DYNC1I1: variants seen among roughly 807,000 people sequenced by gnomAD.
DYNC1I1 encodes dynein cytoplasmic 1 intermediate chain 1.
A neutral mutation model predicts 86.6 loss-of-function variants in DYNC1I1; 43 were observed. That is an observed-to-expected ratio of 0.50 (90% CI 0.39 to 0.64). The LOEUF (loss-of-function observed/expected upper bound fraction) is 0.64. Ranked by LOEUF, DYNC1I1 falls within the 30% of genes least tolerant of loss-of-function variation. The probability of loss-of-function intolerance (pLI) is 0.00; values close to 1 mark genes in which losing one functional copy is unlikely to be tolerated. For missense variants in DYNC1I1, 604 were observed against 788.8 expected (o/e 0.77, Z 2.81); for synonymous variants, 262 against 283.7 (o/e 0.92, Z 0.77).
chr7:95,867,448 T>C (rs1230429009), intron 5 of DYNC1I1, among the ~76,000 whole-genome samples: 1 of 152,192 alleles, frequency 6.6e-6, no homozygotes, highest in East Asian at 1.9e-4. Flanking sequence ...TTCAGCTGTA[T>C]GTTCAAAGCA....
chr7:96,108,171 A>C (rs1805892802), intron 16 of DYNC1I1, among the ~76,000 whole-genome samples: 1 of 152,102 alleles, frequency 6.6e-6, no homozygotes, highest in African/African-American at 2.4e-5. Context: ...AATGTTGTCA[A>C]ATATCTTTTC....
At chr7:95,794,736 A>G (rs1264215025) in intron 1 of DYNC1I1, among the ~76,000 whole-genome samples, 1 of 152,230 alleles carries the variant, frequency 6.6e-6, no homozygotes, top group Non-Finnish European at 1.5e-5. Context: ...TCAGAATCAT[A>G]AAACAGTGAA....
chr7:95,819,335 T>G (rs1259778420), intron 4 of DYNC1I1, among the ~76,000 whole-genome samples: 1 of 152,192 alleles, frequency 6.6e-6, no homozygotes, highest in Non-Finnish European at 1.5e-5. Context: ...CAACTTGTCC[T>G]GTCTGCATGT....
intron 1 of DYNC1I1, among the ~76,000 whole-genome samples, chr7:95,782,776 G>A (rs1051980438): frequency 1.3e-5 from 2 of 152,148 alleles, no homozygotes; most frequent in African/African-American, 4.8e-5. Context: ...ATTGAGTGGT[G>A]GAGGTTGCTC....
intron 5 of DYNC1I1, among the ~76,000 whole-genome samples, chr7:95,867,371 C>T (rs1449371650): frequency 6.6e-6 from 1 of 152,140 alleles, no homozygotes; most frequent in Non-Finnish European, 1.5e-5. Flanking sequence ...TGACAGGTAC[C>T]CATTTTACAG....
At chr7:96,045,744 G>A (rs1055244774) in intron 14 of DYNC1I1, among the ~76,000 whole-genome samples, 11 of 152,162 alleles carry the variant, frequency 7.2e-5, no homozygotes, top group African/African-American at 2.7e-4. Flanking sequence ...TGAGGTTGGA[G>A]GCAAAGGCAT....
At chr7:95,936,961 C>CAG (rs1792060179) in intron 6 of DYNC1I1, among the ~76,000 whole-genome samples, 1 of 149,932 alleles carries the variant, frequency 6.7e-6, no homozygotes, top group East Asian at 2.0e-4. Flanking sequence ...ATGTCTCACA[C>CAG]ACACACACAC....
chr7:95,813,318 G>T lies in DYNC1I1; in HGVS notation c.295G>T (p.Asp99Tyr), dbSNP rs765322548. ...TGAAGCTGGAAGCCAAGACTCAGGC[G>T]ATCTGGGGCCATTAACAAGGTAAGA... The part of the protein sequence containing the change: ...PSEAGSQDSG[D>Y]LGPLTRTLQW... The change falls in exon 4 of 17, where the codon GAT becomes TAT. Residue 99 changes from aspartate to tyrosine, a missense_variant. Coordinates refer to ENST00000447467, the MANE Select transcript of DYNC1I1 (RefSeq NM_001135556.2). 3 of 1,611,064 alleles carry T rather than the reference G, an allele frequency of 1.9e-6. No individual in the cohort carries two copies. The South Asian group carries it at 3.3e-5, about 18-fold the overall frequency.
chr7:95,891,926 A>G (rs4727327), intron 6 of DYNC1I1, among the ~76,000 whole-genome samples: 151,609 of 152,214 alleles, frequency 1, 75,507 homozygotes, highest in Non-Finnish European at 1. Flanking sequence ...TCCCCTACAC[A>G]GTACATGTTA....
At chr7:95,804,976 C>G in intron 2 of DYNC1I1, 139 bp downstream of exon 2, 1 of 1,379,814 alleles carries the variant, frequency 7.2e-7, no homozygotes, top group South Asian at 1.8e-5. Context: ...TCCTATTCTG[C>G]ATGGTAAAGT....
intron 14 of DYNC1I1, among the ~76,000 whole-genome samples, chr7:96,045,832 C>T (rs73232546): frequency 0.096 from 14,621 of 152,032 alleles, 890 homozygotes; most frequent in Non-Finnish European, 0.13. Context: ...TGATTTGTTC[C>T]GGTGAAATAA....
At chr7:96,080,677 C>G (rs1790487770) in intron 16 of DYNC1I1, among the ~76,000 whole-genome samples, 189 bp downstream of exon 16, 1 of 152,178 alleles carries the variant, frequency 6.6e-6, no homozygotes, top group Admixed American at 6.5e-5. Flanking sequence ...TCTCCATGCA[C>G]AGAACACTTA....
chr7:96,066,986 G>C (rs1300131181), intron 14 of DYNC1I1, among the ~76,000 whole-genome samples: 2 of 152,130 alleles, frequency 1.3e-5, no homozygotes, highest in African/African-American at 4.8e-5. Flanking sequence ...ATTTTAAATT[G>C]AGACAGAAAC....
At position 96,032,182 on chromosome 7, in the gene DYNC1I1, T is replaced by C. The variant is rs111534151; in HGVS notation, c.1117-485T>C. Among the ~76,000 whole-genome samples, 360 of 152,308 alleles carry C rather than the reference T, an allele frequency of 2.4e-3. 2 individuals carry two copies. The highest frequency in any genetic ancestry group is 8.1e-3 in the African/African-American group (335 of 41,564). ...AATGGTTATGAATATTAACCACTTT[T>C]TATAAAGAATGTTAACAAATGTTTG... On this transcript the variant is annotated intron_variant, in intron 11 of 16. Coordinates refer to ENST00000447467, the MANE Select transcript of DYNC1I1 (RefSeq NM_001135556.2).
intron 1 of DYNC1I1, among the ~76,000 whole-genome samples, chr7:95,786,155 T>A (rs541337063): frequency 6.6e-6 from 1 of 152,140 alleles, no homozygotes; most frequent in African/African-American, 2.4e-5. Flanking sequence ...TAGCCCTGGG[T>A]CAGTTATGTC....
chr7:96,070,102 T>C (rs1212862759), intron 14 of DYNC1I1, among the ~76,000 whole-genome samples: 1 of 152,182 alleles, frequency 6.6e-6, no homozygotes, highest in Non-Finnish European at 1.5e-5. Context: ...TCATAAGTAT[T>C]GTTTGAATAT....
At chr7:95,951,570 C>A (rs1211603441) in intron 6 of DYNC1I1, among the ~76,000 whole-genome samples, 2 of 152,154 alleles carry the variant, frequency 1.3e-5, no homozygotes, top group African/African-American at 2.4e-5. Context: ...CCAATACAAC[C>A]TATTACAGAT....
chr7:95,883,042 G>A (rs779868331), intron 6 of DYNC1I1, among the ~76,000 whole-genome samples: 60 of 152,070 alleles, frequency 3.9e-4, no homozygotes, highest in Non-Finnish European at 1.0e-4. Context: ...GTTTCCTAGT[G>A]AAATCTTGTA....
intron 12 of DYNC1I1, among the ~76,000 whole-genome samples, 171 bp downstream of exon 12, chr7:96,032,951 C>T (rs909552817): frequency 8.5e-5 from 13 of 152,176 alleles, no homozygotes; most frequent in African/African-American, 3.1e-4. Context: ...AGCCAAAACC[C>T]ATTTCCTTTA....
Sources: gnomAD v4.1 joint callset for allele counts (sites outside exome capture counted in the v4.1 genomes callset) on GRCh38, gnomAD v4.1.1 for gene constraint, MANE v1.5 for transcripts, NCBI Gene and HGNC (gene_info 2026-07-23, HGNC 2026-07-21) for gene names.